ZFR2: variants seen among roughly 807,000 people sequenced by gnomAD.
ZFR2 encodes the protein zinc finger RNA-binding protein 2.
Under a neutral mutation model 105.7 loss-of-function variants are expected in ZFR2, and 104 were observed. That is an observed-to-expected ratio of 0.98 (90% CI 0.84 to 1.16). The LOEUF is 1.16. ZFR2 is among the 50% of genes most tolerant of loss of function. The probability of loss-of-function intolerance (pLI) is 0.00; values close to 1 mark genes in which losing one functional copy is unlikely to be tolerated. For missense variants in ZFR2, 1,425 were observed against 1,355.5 expected (o/e 1.05, Z -0.80); for synonymous variants, 634 against 597.7 (o/e 1.06, Z -0.89).
rs1476165327 is a variant in ZFR2, at chr19:3,813,838, C to A, written c.2224G>T (p.Asp742Tyr). The A allele has an allele frequency of 6.2e-7, 1 of 1,613,770 alleles. No homozygotes were observed. The highest frequency in any genetic ancestry group is 1.1e-5 in the South Asian group (1 of 91,070). ...ISVTSPLMRE[D>Y]PSTDPGVEEP... ...GCCGCACCTGGGTCTGTGGAGGGGT[C>A]CTCCCGCATCAGAGGTGAGGTGACA... The change falls in exon 14 of 19, where the codon GAC (aspartate) becomes TAC (tyrosine). Residue 742 changes from aspartate (D) to tyrosine (Y), a missense_variant. Transcript: ENST00000262961. The surrounding 1 kb of genome is among the most constrained non-coding windows in gnomAD (Gnocchi z 4.4).
In ZFR2 at chr19:3,821,455, T is replaced by C. The variant is rs1239508175; in HGVS notation, c.1516A>G (p.Ile506Val). 3.1e-6 allele frequency: 5 copies of C among 1,607,482 alleles called. No homozygotes were observed. Among genetic ancestry groups the C allele is most frequent in the Admixed American group, 3.3e-5 (2 of 59,722 alleles). Residue 506 changes from isoleucine (I) to valine (V), a missense_variant, in exon 10 of 19, where the codon ATT becomes GTT. Ile to Val is a conservative substitution (Grantham distance 29, BLOSUM62 3). Transcript: ENST00000262961. ...YRKKVNPDLPIATEPSSRARK... is the reference protein window; with the variant it reads ...YRKKVNPDLPVATEPSSRARK... The stretch of plus-strand genomic sequence containing the variant: ...GCCCGGCTGCTGGGCTCCGTGGCAA[T>C]GGGAAGGTCCGGGTTCACTTTCTTC...
At chr19:3,836,052 C>T (rs1432789091) in intron 1 of ZFR2, among the ~76,000 whole-genome samples, 3 of 152,128 alleles carry the variant, frequency 2.0e-5, no homozygotes, top group Non-Finnish European at 4.4e-5. Flanking sequence ...ATGCTTGAGT[C>T]CCTGACATAG....
chr19:3,842,141 T>C (rs1446247972), intron 1 of ZFR2, among the ~76,000 whole-genome samples: 2 of 151,838 alleles, frequency 1.3e-5, no homozygotes, highest in African/African-American at 4.8e-5. Context: ...ACCTCCTGAG[T>C]AGCTGGGACT....
intron 3 of ZFR2, 88 bp downstream of exon 3, chr19:3,833,576 A>G (rs1162606016): frequency 4.2e-6 from 1 of 235,418 alleles, no homozygotes; most frequent in African/African-American, 2.7e-4. Context: ...ACTCTGTCTA[A>G]AAAAAAAAAA....
intron 1 of ZFR2, among the ~76,000 whole-genome samples, chr19:3,846,394 C>A (rs2038185130): frequency 6.6e-6 from 1 of 152,242 alleles, no homozygotes; most frequent in Non-Finnish European, 1.5e-5. Flanking sequence ...ACTCGAAAAG[C>A]CACAGCACCA....
chr19:3,811,459 G>A, intron 14 of ZFR2, 93 bp from the exon 15 acceptor site: 3 of 1,014,250 alleles, frequency 3.0e-6, no homozygotes, highest in South Asian at 1.6e-5. Flanking sequence ...GCCCCTCGAC[G>A]CTTTTTTTTT....
In ZFR2 at chr19:3,811,355, G is replaced by C. The variant is rs775151751; in HGVS notation, c.2254C>G (p.Pro752Ala). The C allele has an allele frequency of 3.1e-6, 5 of 1,595,408 alleles. No homozygotes were observed. In the South Asian group the frequency reaches 5.7e-5, roughly 18 times the overall value. The change falls in exon 15 of 19, where the codon CCT becomes GCT. Residue 752 changes from proline (P) to alanine (A), a missense_variant. Transcript: ENST00000262961. ...AGGACATCACCTGCATCAGCCTGAG[G>C]CTCCTCCACACCTTCTAGAAGAAAA... ...DPSTDPGVEEPQADAGDVLSP... is the reference protein window; with the variant it reads ...DPSTDPGVEEAQADAGDVLSP...
chr19:3,827,756 C>CA, intron 5 of ZFR2, 103 bp from the exon 6 acceptor site: 1 of 1,318,318 alleles, frequency 7.6e-7, no homozygotes, highest in South Asian at 1.3e-5. Flanking sequence ...TCGGTGGTAA[C>CA]AGAGGCCCGC....
At chr19:3,857,950 G>A (rs1568433568) in intron 1 of ZFR2, among the ~76,000 whole-genome samples, 1 of 152,160 alleles carries the variant, frequency 6.6e-6, no homozygotes, top group Non-Finnish European at 1.5e-5. Flanking sequence ...ACAAACAGTG[G>A]TGACACACGT....
rs374561898 is a variant in ZFR2 at position 3,816,735 on chromosome 19, G to A, written c.2042C>T (p.Ser681Phe). The A allele has an allele frequency of 1.8e-5, 29 of 1,612,500 alleles. No individual in the cohort carries two copies. Among genetic ancestry groups the A allele is most frequent in the African/African-American group, 2.7e-5 (2 of 74,938 alleles). The change falls in exon 13 of 19, where the codon TCC (serine) becomes TTC (phenylalanine). Residue 681 changes from serine to phenylalanine, a missense_variant. By Grantham distance (155) the Ser-to-Phe change is radical. Transcript: ENST00000262961. ...DRNVRLALLC[S>F]EKPTHSLLRR... ...CAGCAGGCTGTGCGTGGGCTTCTCG[G>A]AGCAGAGCAGAGCGAGGCGCACGTT...
intron 1 of ZFR2, among the ~76,000 whole-genome samples, chr19:3,847,209 T>C (rs926893983): frequency 6.6e-6 from 1 of 152,186 alleles, no homozygotes; most frequent in Non-Finnish European, 1.5e-5. Context: ...GCCCTTGTTA[T>C]GATGCAGCTT....
intron 1 of ZFR2, among the ~76,000 whole-genome samples, chr19:3,857,811 G>A (rs1305519868): frequency 6.6e-6 from 1 of 152,020 alleles, no homozygotes; most frequent in Non-Finnish European, 1.5e-5. Context: ...TTGCTGGAAG[G>A]AACTGTGCCA....
At chr19:3,854,148 T>C (rs536029421) in intron 1 of ZFR2, among the ~76,000 whole-genome samples, 53 of 151,464 alleles carry the variant, frequency 3.5e-4, no homozygotes, top group African/African-American at 1.2e-3. Flanking sequence ...CCCAGCACTT[T>C]GGGAGGCCGA....
chr19:3,868,580 C>A (rs921163480), intron 1 of ZFR2, among the ~76,000 whole-genome samples: 2 of 150,610 alleles, frequency 1.3e-5, no homozygotes, highest in Non-Finnish European at 3.0e-5. Context: ...GGTCAGACCA[C>A]CCACCCCCCG....
In ZFR2 at chr19:3,809,022, C is replaced by A. The variant is rs868343283; in HGVS notation, c.2434-39G>T. ...AAGAGCAGTTGCTGTGTTTTGGGCG[C>A]GCGGCAGCCCCTGCCTGCCCGGGAG... is the stretch of plus-strand genomic sequence containing the variant. On this transcript the variant is annotated intron_variant, in intron 16 of 18. Coordinates refer to ENST00000262961, the MANE Select transcript of ZFR2 (RefSeq NM_015174.2). 7 of 1,473,294 alleles carry A rather than the reference C, an allele frequency of 4.8e-6. No individual in the cohort carries two copies. The Admixed American group carries it at 1.1e-4, about 24-fold the overall frequency. 91.3% of individuals were successfully genotyped at this position (1,473,294 alleles called of 1,614,324 possible).
Position 3,806,070 on chromosome 19 carries a change from A to T in ZFR2, c.2699T>A (p.Leu900His), listed in dbSNP as rs1240337244. 1 of 1,530,924 alleles carries T rather than the reference A, an allele frequency of 6.5e-7. No homozygotes were observed. Among genetic ancestry groups the T allele is most frequent in the Non-Finnish European group, 8.8e-7 (1 of 1,139,646 alleles). 94.8% of individuals were successfully genotyped at this position (1,530,924 alleles called of 1,614,324 possible). ...CCCCAGCCGGTGTCTGGGCGGCAGG[A>T]GATCCATGCCCAGGACCTTGTGGGT... is the stretch of plus-strand genomic sequence containing the variant. ...RQTHKVLGMDLLPPRHRLGAR... is the reference protein window; with the variant it reads ...RQTHKVLGMDHLPPRHRLGAR... Residue 900 changes from leucine (L) to histidine (H), a missense_variant, in exon 19 of 19, where the codon CTC (leucine) becomes CAC (histidine). By Grantham distance (99) the Leu-to-His change is moderately conservative (BLOSUM62 -3). Transcript: ENST00000262961.
At position 3,825,121 on chromosome 19, in the gene ZFR2, C is replaced by G. The variant is rs1433794200; in HGVS notation, c.1213+109G>C. The G allele has an allele frequency of 1.1e-5, 14 of 1,312,840 alleles. No homozygotes were observed. The Middle Eastern group carries it at 8.9e-4, about 83-fold the overall frequency. 81.3% of individuals were successfully genotyped at this position (1,312,840 alleles called of 1,614,324 possible). A position where few individuals can be genotyped will look rare whatever the true frequency, so the allele number is the denominator to read the frequency against. ...GGCACCAGCCAGCCCCTCACCACCC[C>G]CCGGGAAGACATGACGAAAATCGAC... On this transcript the variant is annotated intron_variant, in intron 7 of 18. Coordinates refer to ENST00000262961, the MANE Select transcript of ZFR2 (RefSeq NM_015174.2).
At chr19:3,812,550 C>T (rs541226771) in intron 14 of ZFR2, among the ~76,000 whole-genome samples, 8 of 152,142 alleles carry the variant, frequency 5.3e-5, no homozygotes, top group Non-Finnish European at 8.8e-5. Flanking sequence ...ATCACCCACC[C>T]GAGCCAGGAA....
rs1033850933 is a variant in ZFR2, at chr19:3,858,431, C to A, written c.53+10534G>T. ...TCAATGGGAACACACACACACAAAA[C>A]CCCCCAAAACATTTAGAGTCCAAGG... On this transcript the variant is annotated intron_variant, in intron 1 of 18. Transcript: ENST00000262961. The surrounding 1 kb of genome is among the most constrained non-coding windows in gnomAD (Gnocchi z 4.3). 3.9e-5 allele frequency among the ~76,000 whole-genome samples: 6 copies of A among 152,156 alleles called. No homozygotes were observed. The highest frequency in any genetic ancestry group is 6.6e-5 in the Admixed American group (1 of 15,258).
Sources: gnomAD v4.1 joint callset for allele counts (sites outside exome capture counted in the v4.1 genomes callset) on GRCh38, gnomAD v4.1.1 for gene constraint, Gnocchi (gnomAD v3.1) non-coding constraint, MANE v1.5 for transcripts, NCBI Gene and HGNC (gene_info 2026-07-23, HGNC 2026-07-21) for gene names.